Variants in ARHGEF15 observed in about 807,000 individuals in gnomAD.
The protein encoded by ARHGEF15 is Rho guanine nucleotide exchange factor 15.
Under a neutral mutation model 79.7 loss-of-function variants are expected in ARHGEF15, and 58 were observed. The ratio of observed to expected loss-of-function variants is 0.73; its 90% CI spans 0.59 to 0.91. The LOEUF (loss-of-function observed/expected upper bound fraction) is 0.91. Ranked by LOEUF, ARHGEF15 falls within the 40% of genes least tolerant of loss-of-function variation. The pLI is 0.00. For synonymous variants in ARHGEF15, 442 were observed against 456.0 expected, an observed-to-expected ratio of 0.97 and a Z score of 0.39; for missense variants, 1,012 against 1,108.1, an observed-to-expected ratio of 0.91 and a Z score of 1.23.
chr17:8,320,791 C>T, intron 15 of ARHGEF15, 51 bp from the exon 16 acceptor site: 5 of 1,594,958 alleles, frequency 3.1e-6, no homozygotes, highest in Non-Finnish European at 4.3e-6. Context: ...TTTGCCTCCT[C>T]ACCTGCTCCC....
In ARHGEF15 at chr17:8,312,060, T is replaced by G. The variant is rs1039403428; in HGVS notation, c.21T>G (p.Pro7=). ...GGAAGATGTCAGCCCAGTCCCTTCC[T>G]GCAGCAACACCCCCCACGCAGAAGC... MSAQSL[P]AATPPTQKPP... is the part of the protein sequence containing the mutation. The change falls in exon 2 of 16, where the codon CCT becomes CCG. Residue 7 remains proline (P), a synonymous_variant. Transcript: ENST00000361926. 6.3e-7 allele frequency: 1 copy of G among 1,592,288 alleles called. No homozygotes were observed. Among genetic ancestry groups the G allele is most frequent in the Non-Finnish European group, 8.6e-7 (1 of 1,168,950 alleles).
chr17:8,311,557 C>T (rs1204577298), intron 1 of ARHGEF15, among the ~76,000 whole-genome samples: 3 of 152,072 alleles, frequency 2.0e-5, no homozygotes, highest in African/African-American at 4.8e-5. Flanking sequence ...ATGCACGCCT[C>T]GCAGCCCAGG....
chr17:8,313,620 C>T lies in ARHGEF15; in HGVS notation c.989+65C>T, dbSNP rs1904817936. The stretch of plus-strand genomic sequence containing the variant: ...CACCATGCTTCTACCTGAGGGCAGA[C>T]TAACCTTCAGCTCCAGCTAAATCCC... On this transcript the variant is annotated intron_variant, in intron 4 of 15. Transcript: ENST00000361926. 5.2e-6 allele frequency: 8 copies of T among 1,534,846 alleles called. No individual in the cohort carries two copies. The Admixed American group carries it at 1.3e-4, about 25-fold the overall frequency.
In ARHGEF15 at chr17:8,313,483, T is replaced by C; in HGVS notation, c.935-18T>C. On this transcript the variant is annotated intron_variant, in intron 3 of 15. Transcript: ENST00000361926. Reference sequence around the variant, plus strand: ...TCCTGGAGTTTTTTTTTCTCTTCACTCTGGCTTCTCTCTCCAGGGGACAGT... The same window carrying C: ...TCCTGGAGTTTTTTTTTCTCTTCACCCTGGCTTCTCTCTCCAGGGGACAGT... 1.2e-6 allele frequency: 2 copies of C among 1,608,258 alleles called. No homozygotes were observed. The highest frequency in any genetic ancestry group is 1.7e-6 in the Non-Finnish European group (2 of 1,178,358).
Position 8,315,020 on chromosome 17 carries a change from G to A in ARHGEF15, c.1049-46G>A. 1 of 1,613,842 alleles carries A rather than the reference G, an allele frequency of 6.2e-7. No individual in the cohort carries two copies. The highest frequency in any genetic ancestry group is 8.5e-7 in the Non-Finnish European group (1 of 1,179,832). ...TGTGACCATCAAGCAGTGGGGAAGGGTTTGGGAGCCCTGGGCTTCCCTGAA... is the reference window on the plus strand; with the variant it reads ...TGTGACCATCAAGCAGTGGGGAAGGATTTGGGAGCCCTGGGCTTCCCTGAA... On this transcript the variant is annotated intron_variant, in intron 5 of 15. Coordinates refer to ENST00000361926, the MANE Select transcript of ARHGEF15 (RefSeq NM_173728.4). This position sits in a 1 kb window ranked among gnomAD's most constrained non-coding sequence, Gnocchi z 4.3.
chr17:8,315,027 A>G lies in ARHGEF15; in HGVS notation c.1049-39A>G. The G allele has an allele frequency of 6.2e-7, 1 of 1,613,578 alleles. No individual in the cohort carries two copies. Among genetic ancestry groups the G allele is most frequent in the Non-Finnish European group, 8.5e-7 (1 of 1,179,730 alleles). On this transcript the variant is annotated intron_variant, in intron 5 of 15. Transcript: ENST00000361926. The surrounding 1 kb of genome is among the most constrained non-coding windows in gnomAD (Gnocchi z 4.3). ...ATCAAGCAGTGGGGAAGGGTTTGGG[A>G]GCCCTGGGCTTCCCTGAAGTGCTAT...
At position 8,318,775 on chromosome 17, in the gene ARHGEF15, G is replaced by A. The variant is rs554415352; in HGVS notation, c.1898G>A (p.Arg633Gln). Residue 633 changes from arginine to glutamine, a missense_variant, in exon 12 of 16, where the codon CGG becomes CAG. Arg to Gln is a conservative substitution (Grantham distance 43, BLOSUM62 1). Transcript: ENST00000361926. This position sits in a 1 kb window ranked among gnomAD's most constrained non-coding sequence, Gnocchi z 5.0. ...GCCCTGCCCCTGGTCTCCTGGTCAC[G>A]GCGCCTGGAATTCCAGGGAGAGCTG... ...VKALPLVSWSRRLEFQGELTE... is the reference protein window; with the variant it reads ...VKALPLVSWSQRLEFQGELTE... 2.5e-6 allele frequency: 4 copies of A among 1,613,172 alleles called. No individual in the cohort carries two copies. Among genetic ancestry groups the A allele is most frequent in the South Asian group, 1.1e-5 (1 of 91,040 alleles).
rs1264831583 is a variant in ARHGEF15 at position 8,316,134 on chromosome 17, C to A, written c.1690C>A (p.Arg564Ser). The change falls in exon 9 of 16, where the codon CGC becomes AGC. Residue 564 changes from arginine (R) to serine (S), a missense_variant. By Grantham distance (110) the Arg-to-Ser change is moderately radical (BLOSUM62 -1). This residue lies in a region of ARHGEF15 where 818 missense variants were observed against 882.5 expected (regional missense o/e 0.93). Transcript: ENST00000361926. ...GCCCTTCCAGCGCATCACCCGGCTG[C>A]GCATGCTGCTGCAGGTACCTGTCCC... The part of the protein sequence containing the change: ...LLPFQRITRL[R>S]MLLQNILRQT... The A allele has an allele frequency of 1.2e-6, 2 of 1,602,440 alleles. No individual in the cohort carries two copies. The highest frequency in any genetic ancestry group is 1.7e-6 in the Non-Finnish European group (2 of 1,179,190).
rs2270445 is a variant in ARHGEF15, at chr17:8,316,160, A to G, written c.1704+12A>G. On this transcript the variant is annotated intron_variant, in intron 9 of 15. Transcript: ENST00000361926. ...GCATGCTGCTGCAGGTACCTGTCCC[A>G]GCTGCGGCCGTTTCTGCCCCACCAA... The G allele has an allele frequency of 0.52, 823,020 of 1,597,298 alleles. 217,848 individuals are homozygous for G. The highest frequency in any genetic ancestry group is 0.77 in the East Asian group (34,483 of 44,646).
intron 4 of ARHGEF15, among the ~76,000 whole-genome samples, chr17:8,314,450 C>T (rs534651882): frequency 2.6e-5 from 4 of 152,130 alleles, no homozygotes; most frequent in South Asian, 2.1e-4. Flanking sequence ...CAGTCCATCA[C>T]GTTGAGCTTC....
In ARHGEF15 at chr17:8,314,980, C is replaced by G; in HGVS notation, c.1048+16C>G. 1.2e-6 allele frequency: 2 copies of G among 1,613,964 alleles called. No individual in the cohort carries two copies. The highest frequency in any genetic ancestry group is 1.7e-6 in the Non-Finnish European group (2 of 1,179,934). On this transcript the variant is annotated intron_variant, in intron 5 of 15. Transcript: ENST00000361926. ...CTGCAGGATGGTGAGGGCCTCTGGA[C>G]CTGAGGGTCCCTGCTGTGACCATCA...
At chr17:8,316,285 C>A in intron 9 of ARHGEF15, 137 bp downstream of exon 9, 1 of 1,354,858 alleles carries the variant, frequency 7.4e-7, no homozygotes, top group Non-Finnish European at 9.8e-7. Flanking sequence ...AACTCCGAAT[C>A]TGGGTCTCTC....
At position 8,312,907 on chromosome 17, in the gene ARHGEF15, A is replaced by G. The variant is rs755326465; in HGVS notation, c.602-15A>G. 1.5e-5 allele frequency: 23 copies of G among 1,566,500 alleles called. No individual in the cohort carries two copies. In the South Asian group the frequency reaches 2.8e-4, roughly 19 times the overall value. ...GCCCCAAGGGCTTTCTCCTTAGGCT[A>G]CCTGTCTCCCACAGATGCTGGCCTG... On this transcript the variant is annotated splice_polypyrimidine_tract_variant and intron_variant, in intron 2 of 15. Transcript: ENST00000361926.
intron 2 of ARHGEF15, 52 bp downstream of exon 2, chr17:8,312,692 C>T: frequency 6.2e-7 from 1 of 1,609,672 alleles, no homozygotes; most frequent in Admixed American, 1.7e-5. Flanking sequence ...CCCATCTTCT[C>T]CGTTTTCAGT....
chr17:8,320,697 G>A (rs1450956352), intron 15 of ARHGEF15, 145 bp from the exon 16 acceptor site: 3 of 699,640 alleles, frequency 4.3e-6, no homozygotes, highest in Admixed American at 2.8e-5. Flanking sequence ...CACTTCTGAT[G>A]CCCTTTCTAC....
In ARHGEF15 at chr17:8,318,214, C is replaced by G; in HGVS notation, c.1705-173C>G. ...TAGCCCCATTTTACAGATAGGGAAG[C>G]TGAGGCTCAGAGAGGTAACAGGACT... is the stretch of plus-strand genomic sequence containing the variant. On this transcript the variant is annotated intron_variant, in intron 9 of 15. Transcript: ENST00000361926. This position sits in a 1 kb window ranked among gnomAD's most constrained non-coding sequence, Gnocchi z 5.0. 1.5e-6 allele frequency: 1 copy of G among 648,560 alleles called. No individual in the cohort carries two copies. The highest frequency in any genetic ancestry group is 1.8e-5 in the African/African-American group (1 of 55,174). 40.2% of individuals were successfully genotyped at this position (648,560 alleles called of 1,614,324 possible).
At chr17:8,313,797 C>T (rs536675064) in intron 4 of ARHGEF15, 45 of 390,104 alleles carry the variant, frequency 1.2e-4, no homozygotes, top group Non-Finnish European at 1.7e-4. Flanking sequence ...TGGGAGGCCG[C>T]GGCAGAAGGA....
At chr17:8,319,232 GTC>G in intron 13 of ARHGEF15, 73 bp downstream of exon 13, 1 of 1,606,194 alleles carries the variant, frequency 6.2e-7, no homozygotes, top group Non-Finnish European at 8.5e-7. Flanking sequence ...CACTTCCCCA[GTC>G]TCTCTCTTCT....
chr17:8,317,237 A>T (rs955609196), intron 9 of ARHGEF15, among the ~76,000 whole-genome samples: 1 of 151,996 alleles, frequency 6.6e-6, no homozygotes, highest in Non-Finnish European at 1.5e-5. Context: ...AGTAGCTGGG[A>T]CTACAATGCC....
Sources: gnomAD v4.1 joint callset for allele counts (sites outside exome capture counted in the v4.1 genomes callset) on GRCh38, gnomAD v4.1.1 for gene constraint, gnomAD v4.1.1 regional missense constraint, Gnocchi (gnomAD v3.1) non-coding constraint, MANE v1.5 for transcripts, NCBI Gene and HGNC (gene_info 2026-07-23, HGNC 2026-07-21) for gene names.